BPIFB1: variants seen among roughly 807,000 people sequenced by gnomAD.
BPIFB1 encodes BPI fold containing family B member 1, also known as BPI fold-containing family B member 1.
BPIFB1 carries 34 observed loss-of-function variants against 55.1 expected under a neutral mutation model. That is an observed-to-expected ratio of 0.62 (90% CI 0.47 to 0.82). The LOEUF is 0.82. BPIFB1 is among the 40% of genes least tolerant of loss of function. The probability of loss-of-function intolerance (pLI) is 0.00; values close to 1 mark genes in which losing one functional copy is unlikely to be tolerated. For synonymous variants in BPIFB1, 236 were observed against 245.3 expected, an observed-to-expected ratio of 0.96 and a Z score of 0.35; for missense variants, 532 against 593.1, an observed-to-expected ratio of 0.90 and a Z score of 1.07.
chr20:33,307,079 G>A, intron 15 of BPIFB1, 92 bp downstream of exon 15: 3 of 1,175,112 alleles, frequency 2.6e-6, no homozygotes, highest in Non-Finnish European at 2.5e-6. Context: ...TCCAACCCCA[G>A]CCTACAGGTG....
At chr20:33,306,536 T>A in intron 14 of BPIFB1, 1 of 304,098 alleles carries the variant, frequency 3.3e-6, no homozygotes, top group Non-Finnish European at 6.2e-6. Context: ...AGCCCCAGGT[T>A]GAATGAGGGG....
At chr20:33,284,162 T>C (rs542769834) in intron 1 of BPIFB1, among the ~76,000 whole-genome samples, 3 of 152,298 alleles carry the variant, frequency 2.0e-5, no homozygotes, top group Admixed American at 6.5e-5. Context: ...AAAAAGCCTA[T>C]GACATAAGTA....
intron 6 of BPIFB1, among the ~76,000 whole-genome samples, chr20:33,293,073 C>CA (rs1428053959): frequency 5.9e-5 from 9 of 152,182 alleles, no homozygotes; most frequent in Non-Finnish European, 1.2e-4. Context: ...AGATGAGCAC[C>CA]ACCAGGCATG....
In BPIFB1 at chr20:33,289,978, G is replaced by A. The variant is rs1245888217; in HGVS notation, c.351G>A (p.Val117=). ...TAGTCAAGATCCCCCTGGACATGGT[G>A]GCTGGATTCAACACGTGAGTGACCC... ...ELLVKIPLDM[V]AGFNTPLVKT... The change falls in exon 4 of 16, where the codon GTG becomes GTA. Residue 117 remains valine (V), a synonymous_variant. Coordinates refer to ENST00000253354, the MANE Select transcript of BPIFB1 (RefSeq NM_033197.3). 6.2e-7 allele frequency: 1 copy of A among 1,614,136 alleles called. No homozygotes were observed. Among genetic ancestry groups the A allele is most frequent in the Non-Finnish European group, 8.5e-7 (1 of 1,179,980 alleles).
intron 15 of BPIFB1, among the ~76,000 whole-genome samples, chr20:33,308,776 TACAC>T (rs58917463): frequency 0.051 from 7,361 of 143,040 alleles, 450 homozygotes; most frequent in African/African-American, 0.13. Flanking sequence ...ACATACACAC[TACAC>T]ACACACACAT....
At chr20:33,301,173 T>C in intron 8 of BPIFB1, 60 bp from the exon 9 acceptor site, 2 of 1,504,294 alleles carry the variant, frequency 1.3e-6, no homozygotes, top group Non-Finnish European at 1.8e-6. Context: ...CCTTCTAGGT[T>C]GCTATTGGGT....
At chr20:33,286,655 G>A (rs373812966) in intron 2 of BPIFB1, among the ~76,000 whole-genome samples, 3 of 152,282 alleles carry the variant, frequency 2.0e-5, no homozygotes, top group Admixed American at 1.3e-4. Context: ...TTCCACCTTG[G>A]GACACAAATA....
At chr20:33,293,279 C>T (rs1166970106) in intron 6 of BPIFB1, among the ~76,000 whole-genome samples, 1 of 152,092 alleles carries the variant, frequency 6.6e-6, no homozygotes, top group African/African-American at 2.4e-5. Context: ...AAAAAAAATC[C>T]ATAATCCTTT....
intron 5 of BPIFB1, 26 bp downstream of exon 5, chr20:33,291,132 G>T (rs750539402): frequency 6.2e-7 from 1 of 1,605,036 alleles, no homozygotes; most frequent in Non-Finnish European, 8.5e-7. Flanking sequence ...CACCAGCCGG[G>T]CTCCCATCCT....
In BPIFB1 at chr20:33,306,897, A is replaced by G. The variant is rs1981046523; in HGVS notation, c.1319-14A>G. ...CCCAGGCCCATCAGTTTCTGACCACATTTGTTATTTCAGGCAAATTAAGAT... is the reference window on the plus strand; with the variant it reads ...CCCAGGCCCATCAGTTTCTGACCACGTTTGTTATTTCAGGCAAATTAAGAT... On this transcript the variant is annotated splice_polypyrimidine_tract_variant and intron_variant, in intron 14 of 15. Coordinates refer to ENST00000253354, the MANE Select transcript of BPIFB1 (RefSeq NM_033197.3). 2 of 1,611,980 alleles carry G rather than the reference A, an allele frequency of 1.2e-6. No individual in the cohort carries two copies. The highest frequency in any genetic ancestry group is 1.7e-6 in the Non-Finnish European group (2 of 1,178,002).
intron 6 of BPIFB1, among the ~76,000 whole-genome samples, chr20:33,296,046 C>G (rs1005116321): frequency 3.3e-5 from 5 of 152,084 alleles, no homozygotes; most frequent in Non-Finnish European, 1.5e-5. Context: ...GGTCTCAACC[C>G]TCGTTGCACA....
intron 14 of BPIFB1, 165 bp from the exon 15 acceptor site, chr20:33,306,746 G>T: frequency 1.6e-6 from 1 of 640,682 alleles, no homozygotes; most frequent in Non-Finnish European, 2.8e-6. Flanking sequence ...GAGGGTAGAC[G>T]AGGCTGGGTC....
intron 15 of BPIFB1, among the ~76,000 whole-genome samples, chr20:33,308,462 ACG>A (rs1981107166): frequency 6.6e-6 from 1 of 151,802 alleles, no homozygotes; most frequent in Non-Finnish European, 1.5e-5. Context: ...ACACACACAC[ACG>A]CACACCTTTA....
Position 33,307,038 on chromosome 20 carries a change from G to A in BPIFB1, c.1395+51G>A, listed in dbSNP as rs1262972465. 3 of 1,545,630 alleles carry A rather than the reference G, an allele frequency of 1.9e-6. No homozygotes were observed. In the South Asian group the frequency reaches 3.3e-5, roughly 17 times the overall value. On this transcript the variant is annotated intron_variant, in intron 15 of 15. Transcript: ENST00000253354. ...CTGCCCCAGGGAGGGCACAGCCACT[G>A]AGAGCCCTGGCTGGGAGGTGGGGCC...
chr20:33,306,091 C>T, intron 14 of BPIFB1, 26 bp downstream of exon 14: 1 of 1,613,112 alleles, frequency 6.2e-7, no homozygotes, highest in Non-Finnish European at 8.5e-7. Context: ...ATCTGTGCCC[C>T]CTCTCTCCCC....
intron 2 of BPIFB1, 120 bp from the exon 3 acceptor site, chr20:33,288,621 G>A: frequency 8.3e-7 from 1 of 1,200,780 alleles, no homozygotes; most frequent in East Asian, 2.4e-5. Context: ...AGTAGAGATG[G>A]CTACACCCTC....
In BPIFB1 at chr20:33,302,983, T is replaced by C. The variant is rs1980902842; in HGVS notation, c.1049T>C (p.Ile350Thr). 1.9e-6 allele frequency: 3 copies of C among 1,614,150 alleles called. No homozygotes were observed. Among genetic ancestry groups the C allele is most frequent in the South Asian group, 1.1e-5 (1 of 91,082 alleles). Residue 350 changes from isoleucine to threonine, a missense_variant, in exon 11 of 16, where the codon ATA (isoleucine) becomes ACA (threonine). Physicochemically the swap from Ile to Thr is moderately conservative, Grantham distance 89. Coordinates refer to ENST00000253354, the MANE Select transcript of BPIFB1 (RefSeq NM_033197.3). ...ACTCAGGACACTCCCGAGTTTTTTA[T>C]AGACCAAGGCCATGCCAAGGTGGCC... ...ILTQDTPEFF[I>T]DQGHAKVAQL...
At chr20:33,304,616 T>TTGATTTTTCTGCTCACTGGAC (rs1980960312) in intron 12 of BPIFB1, among the ~76,000 whole-genome samples, 1 of 152,116 alleles carries the variant, frequency 6.6e-6, no homozygotes, top group Non-Finnish European at 1.5e-5. Context: ...ACTCCTGAGG[T>TTGATTTTTCTGCTCACTGGAC]TGATTTTTCT....
At chr20:33,304,934 T>C in intron 13 of BPIFB1, 43 bp downstream of exon 13, 1 of 1,603,576 alleles carries the variant, frequency 6.2e-7, no homozygotes, top group African/African-American at 1.3e-5. Flanking sequence ...GGGGGTGGCC[T>C]GGAATGGTCC....
Sources: allele counts gnomAD v4.1 joint callset (sites outside exome capture counted in the v4.1 genomes callset), GRCh38; gene constraint gnomAD v4.1.1; transcripts MANE v1.5; gene names NCBI Gene and HGNC (gene_info 2026-07-23, HGNC 2026-07-21).